Variants in UBE3C observed in about 807,000 individuals in gnomAD.
The protein encoded by UBE3C is ubiquitin protein ligase E3C.
A neutral mutation model predicts 129.4 loss-of-function variants in UBE3C; 42 were observed. That is an observed-to-expected ratio of 0.32 (90% CI 0.25 to 0.42). The LOEUF (loss-of-function observed/expected upper bound fraction) is 0.42. Ranked by LOEUF, UBE3C falls within the 10% of genes least tolerant of loss-of-function variation. The pLI, the probability that UBE3C is intolerant of heterozygous loss-of-function variation, is 1.00. For missense variants in UBE3C, 1,049 were observed against 1,319.1 expected (o/e 0.80, Z 3.17); for synonymous variants, 510 against 492.4 (o/e 1.04, Z -0.47).
At chr7:157,203,708 T>C (rs958680258) in intron 11 of UBE3C, among the ~76,000 whole-genome samples, 3 of 152,246 alleles carry the variant, frequency 2.0e-5, no homozygotes, top group Admixed American at 1.3e-4. Context: ...ACAAATCTTA[T>C]TAAAAGACAG....
intron 1 of UBE3C, among the ~76,000 whole-genome samples, chr7:157,160,774 A>G (rs1808048104): frequency 6.6e-6 from 1 of 152,160 alleles, no homozygotes; most frequent in Non-Finnish European, 1.5e-5. Context: ...TCTTGTCTGC[A>G]GTGTTTTTCT....
intron 1 of UBE3C, among the ~76,000 whole-genome samples, chr7:157,152,709 A>G (rs982063908): frequency 4.6e-5 from 7 of 152,064 alleles, no homozygotes; most frequent in Non-Finnish European, 1.0e-4. Flanking sequence ...GTTTATCCGG[A>G]TGCTGTACGG....
In UBE3C at chr7:157,174,981, T is replaced by C. The variant is rs1055662114; in HGVS notation, c.405T>C (p.Ser135=). 6.2e-7 allele frequency: 1 copy of C among 1,613,020 alleles called. No homozygotes were observed. The highest frequency in any genetic ancestry group is 8.5e-7 in the Non-Finnish European group (1 of 1,179,664). Residue 135 remains serine, a synonymous_variant, in exon 5 of 23, where the codon TCT becomes TCC. Transcript: ENST00000348165. ...TGTTTGTCAAGCAGTTGGATGGATC[T>C]GAGAGACTTACATGCTTATTTCAGA... ...SSLFVKQLDG[S]ERLTCLFQIK...
chr7:157,167,780 C>T (rs1808258523), intron 2 of UBE3C, among the ~76,000 whole-genome samples: 1 of 151,942 alleles, frequency 6.6e-6, no homozygotes, highest in African/African-American at 2.4e-5. Flanking sequence ...TTGTGATCCT[C>T]CTGCCTCGGC....
chr7:157,265,817 G>A (rs1202356041), intron 22 of UBE3C, among the ~76,000 whole-genome samples: 1 of 152,208 alleles, frequency 6.6e-6, no homozygotes, highest in Non-Finnish European at 1.5e-5. Context: ...GGGTATCTGT[G>A]ATACAGGGAT....
At chr7:157,201,886 G>A (rs1162982176) in intron 11 of UBE3C, 79 bp downstream of exon 11, 1 of 1,190,940 alleles carries the variant, frequency 8.4e-7, no homozygotes, top group East Asian at 2.4e-5. Flanking sequence ...GCCAGAACCT[G>A]TTTTTAAGTC....
intron 18 of UBE3C, among the ~76,000 whole-genome samples, chr7:157,233,455 T>G (rs1024661143): frequency 5.3e-5 from 8 of 152,260 alleles, no homozygotes; most frequent in Admixed American, 3.3e-4. Context: ...ATTATTTCAT[T>G]TTATCGTAGA....
intron 5 of UBE3C, among the ~76,000 whole-genome samples, chr7:157,177,969 A>G (rs891771443): frequency 2.0e-5 from 3 of 151,972 alleles, no homozygotes; most frequent in African/African-American, 4.8e-5. Context: ...ACAGCTGTAA[A>G]ATACCTTGTG....
chr7:157,148,465 T>C (rs1044291938), intron 1 of UBE3C, among the ~76,000 whole-genome samples: 1 of 152,164 alleles, frequency 6.6e-6, no homozygotes, highest in Non-Finnish European at 1.5e-5. Flanking sequence ...TGGTAAGAAC[T>C]TGATTGCTTA....
intron 19 of UBE3C, among the ~76,000 whole-genome samples, chr7:157,252,776 A>G (rs958054452): frequency 6.6e-6 from 1 of 152,266 alleles, no homozygotes; most frequent in Non-Finnish European, 1.5e-5. Context: ...GTGAAAAGAA[A>G]AGAATGGAAA....
chr7:157,225,585 G>A, intron 17 of UBE3C, 46 bp downstream of exon 17: 1 of 1,503,810 alleles, frequency 6.6e-7, no homozygotes, highest in Non-Finnish European at 8.8e-7. Context: ...TGGAGGCTAG[G>A]GAATTGTTTT....
rs1808664956 is a variant in UBE3C, at chr7:157,181,508, T to C, written c.617-10T>C. 7 of 1,549,720 alleles carry C rather than the reference T, an allele frequency of 4.5e-6. No homozygotes were observed. The highest frequency in any genetic ancestry group is 6.1e-6 in the Non-Finnish European group (7 of 1,156,052). ...GGCACTAAATTTTAAATATGTGTTTTTCCTTTTAGGGTATTATAGGTCTCT... is the reference window on the plus strand; with the variant it reads ...GGCACTAAATTTTAAATATGTGTTTCTCCTTTTAGGGTATTATAGGTCTCT... On this transcript the variant is annotated splice_polypyrimidine_tract_variant and intron_variant, in intron 6 of 22. Transcript: ENST00000348165.
chr7:157,156,658 G>A (rs1464817706), intron 1 of UBE3C, among the ~76,000 whole-genome samples: 1 of 149,782 alleles, frequency 6.7e-6, no homozygotes, highest in African/African-American at 2.5e-5. Flanking sequence ...TACACATCCT[G>A]TCAGAGCTGT....
chr7:157,139,466 T>G, intron 1 of UBE3C, 128 bp downstream of exon 1: 19 of 782,320 alleles, frequency 2.4e-5, no homozygotes, highest in South Asian at 2.1e-4. Flanking sequence ...GGGGCCTCCC[T>G]GGCGGGGACT....
intron 18 of UBE3C, among the ~76,000 whole-genome samples, chr7:157,235,671 T>C (rs1796134739): frequency 6.6e-6 from 1 of 152,246 alleles, no homozygotes; most frequent in Admixed American, 6.5e-5. Flanking sequence ...AAGTTATATC[T>C]TATTAAGGCT....
At position 157,214,994 on chromosome 7, in the gene UBE3C, G is replaced by T. The variant is rs554305208; in HGVS notation, c.1810-1873G>T. Among the ~76,000 whole-genome samples, 6 of 152,302 alleles carry T rather than the reference G, an allele frequency of 3.9e-5. No individual in the cohort carries two copies. In the East Asian group the frequency reaches 1.2e-3, roughly 29 times the overall value. On this transcript the variant is annotated intron_variant, in intron 13 of 22. Coordinates refer to ENST00000348165, the MANE Select transcript of UBE3C (RefSeq NM_014671.3). ...AAGGGTCAAGGAATAGCTGACTCCA[G>T]TTTACCCTGATTAGTTCACTAAACA...
intron 22 of UBE3C, among the ~76,000 whole-genome samples, chr7:157,261,316 A>G (rs1233936092): frequency 2.8e-5 from 3 of 105,376 alleles, no homozygotes; most frequent in South Asian, 2.5e-4. Context: ...GAAAAAAAAA[A>G]AAAAAAAAAA....
intron 1 of UBE3C, among the ~76,000 whole-genome samples, chr7:157,162,140 T>A (rs1221295477): frequency 6.6e-6 from 1 of 152,162 alleles, no homozygotes; most frequent in Non-Finnish European, 1.5e-5. Context: ...TAATTTTAAG[T>A]TGGCTTAACT....
At chr7:157,175,137 C>CTTTTTTGTTTTT (rs1808482332) in intron 5 of UBE3C, 103 bp downstream of exon 5, 1 of 226,512 alleles carries the variant, frequency 4.4e-6, no homozygotes. Flanking sequence ...CTTTTCCATA[C>CTTTTTTGTTTTT]TTTTTTTTTT....
Sources: gnomAD v4.1 joint callset for allele counts (sites outside exome capture counted in the v4.1 genomes callset) on GRCh38, gnomAD v4.1.1 for gene constraint, MANE v1.5 for transcripts, NCBI Gene and HGNC (gene_info 2026-07-23, HGNC 2026-07-21) for gene names.